The following TBC1D24 variants were observed in gnomAD, a reference collection of about 807,000 sequenced individuals.
TBC1D24 encodes the protein Infantile myoclonic epilepsy.
TBC1D24 carries 47 observed loss-of-function variants against 50.7 expected under a neutral mutation model. The observed-to-expected ratio is 0.93, with a 90% CI of 0.73 to 1.18. The LOEUF is 1.18. Among genes scored for constraint, TBC1D24 ranks in the 50% most tolerant of loss-of-function variants. TBC1D24 has a pLI of 0.00. For synonymous variants in TBC1D24, 324 were observed against 335.2 expected (o/e 0.97, Z 0.36); for missense variants, 688 against 766.5 (o/e 0.90, Z 1.21).
rs778343680 is a variant in TBC1D24, at chr16:2,499,784, G to T, written c.1207-51G>T. ...GGCCCGTCAGTAGTCTGGAGCACAG[G>T]GACGCTCCTGGGGGCCTGCGGGCAC... On this transcript the variant is annotated intron_variant, in intron 5 of 7. Coordinates refer to ENST00000646147, the MANE Select transcript of TBC1D24 (RefSeq NM_001199107.2). The surrounding 1 kb of genome is among the most constrained non-coding windows in gnomAD (Gnocchi z 4.0). 1.3e-6 allele frequency: 2 copies of T among 1,506,346 alleles called. No homozygotes were observed. The highest frequency in any genetic ancestry group is 1.8e-6 in the Non-Finnish European group (2 of 1,081,642). 93.3% of individuals were successfully genotyped at this position (1,506,346 alleles called of 1,614,324 possible).
At chr16:2,481,894 C>G (rs142174187) in intron 1 of TBC1D24, 2 of 152,294 alleles carry the variant, frequency 1.3e-5, no homozygotes, top group Non-Finnish European at 2.9e-5. Flanking sequence ...CATTAATGGT[C>G]ATACCCCTTC....
Position 2,496,132 on chromosome 16 carries a change from C to T in TBC1D24, c.-17C>T, listed in dbSNP as rs2065734686. On this transcript the variant is annotated 5_prime_UTR_variant, in exon 2 of 8. Transcript: ENST00000646147. ...CCTTCCGGCAGTCCAGGGCCTCCTC[C>T]CGAGCACAGCGGCGCTATGGACTCT... 6.2e-7 allele frequency: 1 copy of T among 1,613,532 alleles called. No individual in the cohort carries two copies. The highest frequency in any genetic ancestry group is 2.2e-5 in the East Asian group (1 of 44,884).
Position 2,501,340 on chromosome 16 carries a change from G to C in TBC1D24, c.*382G>C. ...TGGGGTGGGAGTACAACGGCAGTGG[G>C]AACGTGCAGCTAAGGGTGGGCCTGT... On this transcript the variant is annotated 3_prime_UTR_variant, in exon 8 of 8. Transcript: ENST00000646147. The C allele has an allele frequency of 3.5e-6, 1 of 288,936 alleles. No homozygotes were observed. Among genetic ancestry groups the C allele is most frequent in the Non-Finnish European group, 6.8e-6 (1 of 147,826 alleles). The allele number at this position is 288,936 out of a possible 1,614,324, so 17.9% of individuals were successfully genotyped here.
At position 2,485,135 on chromosome 16, in the gene TBC1D24, A is replaced by G. The variant is rs1453603611; in HGVS notation, c.-116+9965A>G. The G allele has an allele frequency of 6.6e-6, 1 of 152,218 alleles. No homozygotes were observed. The highest frequency in any genetic ancestry group is 1.5e-5 in the Non-Finnish European group (1 of 68,064). 9.4% of individuals were successfully genotyped at this position (152,218 alleles called of 1,614,324 possible). A position where few individuals can be genotyped will look rare whatever the true frequency, so the allele number is the denominator to read the frequency against. Reference sequence around the variant, plus strand: ...TTGGTCTTTGTCCTTGTTTAGTGACATACAACTCCTGAAATCCTCAGAATC... The same window carrying G: ...TTGGTCTTTGTCCTTGTTTAGTGACGTACAACTCCTGAAATCCTCAGAATC... On this transcript the variant is annotated intron_variant, in intron 1 of 7. Coordinates refer to ENST00000646147, the MANE Select transcript of TBC1D24 (RefSeq NM_001199107.2). This position sits in a 1 kb window ranked among gnomAD's most constrained non-coding sequence, Gnocchi z 4.6.
chr16:2,497,148 G>C, intron 2 of TBC1D24, 35 bp downstream of exon 2: 1 of 1,598,574 alleles, frequency 6.3e-7, no homozygotes, highest in Non-Finnish European at 8.5e-7. Context: ...GGTACACCCA[G>C]GGTCGGGGGC....
rs867633546 is a variant in TBC1D24 at position 2,500,416 on chromosome 16, C to T, written c.1451C>T (p.Ala484Val). The change falls in exon 7 of 8, where the codon GCC becomes GTC. Residue 484 changes from alanine to valine, a missense_variant. Physicochemically the swap from Ala to Val is moderately conservative, Grantham distance 64 (BLOSUM62 0). Transcript: ENST00000646147. This position sits in a 1 kb window ranked among gnomAD's most constrained non-coding sequence, Gnocchi z 8.0. The part of the protein sequence containing the change: ...DPADRLSPFL[A>V]ARHFNLPSKT... Reference sequence around the variant, plus strand: ...GCTGACCGCCTCTCGCCCTTCCTGGCCGCTCGCCACTTCAACCTGCCCTCC... The same window carrying T: ...GCTGACCGCCTCTCGCCCTTCCTGGTCGCTCGCCACTTCAACCTGCCCTCC... 1 of 1,602,444 alleles carries T rather than the reference C, an allele frequency of 6.2e-7. No homozygotes were observed. Among genetic ancestry groups the T allele is most frequent in the Middle Eastern group, 1.7e-4 (1 of 6,028 alleles).
At position 2,500,894 on chromosome 16, in the gene TBC1D24, G is replaced by A. The variant is rs1288229658; in HGVS notation, c.1616G>A (p.Cys539Tyr). 6.2e-7 allele frequency: 1 copy of A among 1,613,168 alleles called. No individual in the cohort carries two copies. Among genetic ancestry groups the A allele is most frequent in the Admixed American group, 1.7e-5 (1 of 60,026 alleles). ...HCDTFNNQPL[C>Y]SENFLIAAVE... ...GACACCTTCAACAACCAGCCCCTCT[G>A]CTCCGAGAACTTCCTCATTGCTGCC... Residue 539 changes from cysteine (C) to tyrosine (Y), a missense_variant, in exon 8 of 8, where the codon TGC becomes TAC. Transcript: ENST00000646147. The surrounding 1 kb of genome is among the most constrained non-coding windows in gnomAD (Gnocchi z 8.0).
chr16:2,495,001 A>ATC (rs2065725488), intron 1 of TBC1D24, among the ~76,000 whole-genome samples: 1 of 142,300 alleles, frequency 7.0e-6, no homozygotes, highest in Non-Finnish European at 1.5e-5. Flanking sequence ...ACAAGACCCC[A>ATC]TCACACACAC....
Position 2,475,414 on chromosome 16 carries a change from C to T in TBC1D24, c.-116+244C>T, listed in dbSNP as rs1239878986. On this transcript the variant is annotated intron_variant, in intron 1 of 7. Transcript: ENST00000646147. The surrounding 1 kb of genome is among the most constrained non-coding windows in gnomAD (Gnocchi z 4.2). Reference sequence around the variant, plus strand: ...GCGCAGGAGCGGGACCCCCTGGGCGCGAGGCCCGATCCCCGCCCGGTCGCT... The same window carrying T: ...GCGCAGGAGCGGGACCCCCTGGGCGTGAGGCCCGATCCCCGCCCGGTCGCT... Among the ~76,000 whole-genome samples, 3 of 151,858 alleles carry T rather than the reference C, an allele frequency of 2.0e-5. No individual in the cohort carries two copies. Among genetic ancestry groups the T allele is most frequent in the Non-Finnish European group, 4.4e-5 (3 of 67,896 alleles).
intron 1 of TBC1D24, chr16:2,478,092 G>A (rs983852216): frequency 1.3e-5 from 2 of 152,374 alleles, no homozygotes; most frequent in African/African-American, 4.8e-5. Flanking sequence ...TGGCCAGGGA[G>A]GTGAAGAGGC....
chr16:2,494,370 C>A (rs991303029), intron 1 of TBC1D24, among the ~76,000 whole-genome samples: 6 of 151,510 alleles, frequency 4.0e-5, no homozygotes, highest in African/African-American at 1.5e-4. Context: ...CGAGATTACG[C>A]CACTGCACTC....
At chr16:2,492,449 G>A (rs770032974) in intron 1 of TBC1D24, among the ~76,000 whole-genome samples, 22 of 152,202 alleles carry the variant, frequency 1.4e-4, no homozygotes, top group Non-Finnish European at 2.9e-4. Context: ...GGAGGCTGGT[G>A]CTGCTCTGCC....
intron 1 of TBC1D24, chr16:2,477,425 TATGGTGGC>T (rs1468183886): frequency 5.9e-5 from 9 of 152,142 alleles, no homozygotes; most frequent in African/African-American, 2.4e-5. Flanking sequence ...ATTAGCCAAG[TATGGTGGC>T]ATGTGCCTGT....
In TBC1D24 at chr16:2,498,247, A is replaced by G. The variant is rs767852663; in HGVS notation, c.993A>G (p.Val331=). ...TGCTCGCTCCCCTCAGGCAGTTTGT[A>G]CACTTGGCCGTCCATGCAGAGAACT... is the stretch of plus-strand genomic sequence containing the variant. ...KSVSLSKRQF[V]HLAVHAENFR... Residue 331 remains valine, a synonymous_variant, in exon 4 of 8, where the codon GTA becomes GTG. Coordinates refer to ENST00000646147, the MANE Select transcript of TBC1D24 (RefSeq NM_001199107.2). 2 of 1,608,712 alleles carry G rather than the reference A, an allele frequency of 1.2e-6. No homozygotes were observed. Among genetic ancestry groups the G allele is most frequent in the Non-Finnish European group, 1.7e-6 (2 of 1,177,542 alleles).
intron 1 of TBC1D24, among the ~76,000 whole-genome samples, chr16:2,488,169 G>A (rs990332755): frequency 4.6e-5 from 7 of 152,230 alleles, no homozygotes; most frequent in Non-Finnish European, 1.0e-4. Flanking sequence ...TCCTGTGGGC[G>A]CCTTCAGGGG....
In TBC1D24 at chr16:2,504,170, C is replaced by T. The variant is rs1468598899; in HGVS notation, c.*3212C>T. On this transcript the variant is annotated 3_prime_UTR_variant, in exon 8 of 8. Coordinates refer to ENST00000646147, the MANE Select transcript of TBC1D24 (RefSeq NM_001199107.2). Reference sequence around the variant, plus strand: ...TAAAACGTTTTGAAGATTTCAGAGGCCTTCATATTTCTCTTATCCACTTTC... The same window carrying T: ...TAAAACGTTTTGAAGATTTCAGAGGTCTTCATATTTCTCTTATCCACTTTC... The T allele has an allele frequency of 6.6e-6, 1 of 151,920 alleles. No homozygotes were observed. The highest frequency in any genetic ancestry group is 2.4e-5 in the African/African-American group (1 of 41,342). The allele number at this position is 151,920 out of a possible 1,614,324, so 9.4% of individuals were successfully genotyped here.
In TBC1D24 at chr16:2,496,516, A is replaced by G. The variant is rs1457138817; in HGVS notation, c.368A>G (p.Asn123Ser). 2 of 1,609,102 alleles carry G rather than the reference A, an allele frequency of 1.2e-6. No homozygotes were observed. Among genetic ancestry groups the G allele is most frequent in the Admixed American group, 1.7e-5 (1 of 60,014 alleles). ...AVRKILLCLA[N>S]QFPDISFCPA... The stretch of plus-strand genomic sequence containing the variant: ...CGCAAGATCCTCCTGTGCCTGGCCA[A>G]CCAGTTCCCCGACATCTCCTTCTGC... The change falls in exon 2 of 8, where the codon AAC (asparagine) becomes AGC (serine). Residue 123 changes from asparagine (N) to serine (S), a missense_variant. Coordinates refer to ENST00000646147, the MANE Select transcript of TBC1D24 (RefSeq NM_001199107.2).
Position 2,499,504 on chromosome 16 carries a change from C to T in TBC1D24, c.1206+84C>T. On this transcript the variant is annotated intron_variant, in intron 5 of 7. Transcript: ENST00000646147. This position sits in a 1 kb window ranked among gnomAD's most constrained non-coding sequence, Gnocchi z 4.0. Reference sequence around the variant, plus strand: ...GGGCTCCAGGGCTGGCTCTGATGGGCTTCAGGGCCTAGGCCTCCTGGGCCA... The same window carrying T: ...GGGCTCCAGGGCTGGCTCTGATGGGTTTCAGGGCCTAGGCCTCCTGGGCCA... The T allele has an allele frequency of 7.8e-7, 1 of 1,288,604 alleles. No individual in the cohort carries two copies. Among genetic ancestry groups the T allele is most frequent in the Non-Finnish European group, 1.1e-6 (1 of 902,844 alleles). 79.8% of individuals were successfully genotyped at this position (1,288,604 alleles called of 1,614,324 possible).
rs1274667541 is a variant in TBC1D24, at chr16:2,486,246, C to T, written c.-115-9788C>T. On this transcript the variant is annotated intron_variant, in intron 1 of 7. Transcript: ENST00000646147. This position sits in a 1 kb window ranked among gnomAD's most constrained non-coding sequence, Gnocchi z 5.8. ...GTGAAGCCCGCAGGGGCCACAGCAC[C>T]TCCTTCCTGTGGTCCCTAGCTGCGG... is the stretch of plus-strand genomic sequence containing the variant. Among the ~76,000 whole-genome samples the T allele has an allele frequency of 6.6e-6, 1 of 152,240 alleles. No individual in the cohort carries two copies. Among genetic ancestry groups the T allele is most frequent in the East Asian group, 1.9e-4 (1 of 5,196 alleles).
Sources: allele counts gnomAD v4.1 joint callset (sites outside exome capture counted in the v4.1 genomes callset), GRCh38; gene constraint gnomAD v4.1.1; non-coding constraint Gnocchi (gnomAD v3.1); transcripts MANE v1.5; gene names NCBI Gene and HGNC (gene_info 2026-07-23, HGNC 2026-07-21).